The following HDGF variants were observed in gnomAD, a reference collection of about 807,000 sequenced individuals.
HDGF encodes the protein heparin binding growth factor.
HDGF carries 5 observed loss-of-function variants against 30.0 expected under a neutral mutation model. The observed-to-expected ratio is 0.17, with a 90% CI of 0.09 to 0.35. The LOEUF is 0.35. HDGF is among the 10% of genes least tolerant of loss of function. The pLI is 1.00. For synonymous variants in HDGF, 133 were observed against 112.7 expected, an observed-to-expected ratio of 1.18 and a Z score of -1.14; for missense variants, 214 against 302.8, an observed-to-expected ratio of 0.71 and a Z score of 2.18.
chr1:156,754,727 T>A (rs983585902), upstream of HDGF, among the ~76,000 whole-genome samples: 2 of 152,182 alleles, frequency 1.3e-5, no homozygotes, highest in African/African-American at 4.8e-5. Flanking sequence ...GTGGATCACC[T>A]GAGGTCAGGA....
chr1:156,752,100 C>T (rs1372128493), upstream of HDGF: 1 of 1,551,564 alleles, frequency 6.4e-7, no homozygotes, highest in East Asian at 2.4e-5. Flanking sequence ...GCCCTCTGCT[C>T]CATCTCAATC....
upstream of HDGF, among the ~76,000 whole-genome samples, chr1:156,753,976 T>C (rs1651103983): frequency 6.8e-6 from 1 of 146,810 alleles, no homozygotes; most frequent in African/African-American, 2.5e-5. Flanking sequence ...AGTGCAATGG[T>C]GCAATCTCGG....
chr1:156,743,364 C>T lies in HDGF; in HGVS notation c.*85G>A. 7.2e-7 allele frequency: 1 copy of T among 1,393,424 alleles called. No individual in the cohort carries two copies. The highest frequency in any genetic ancestry group is 9.7e-7 in the Non-Finnish European group (1 of 1,028,554). 86.3% of individuals were successfully genotyped at this position (1,393,424 alleles called of 1,614,324 possible). A position where few individuals can be genotyped will look rare whatever the true frequency, so the allele number is the denominator to read the frequency against. On this transcript the variant is annotated 3_prime_UTR_variant, in exon 6 of 6. Coordinates refer to ENST00000357325, the MANE Select transcript of HDGF (RefSeq NM_004494.3). ...CAGGTTGGGGTGGGAAAGGGGTTCCCAGTTTGCAGGCCATGGCCAGTTTCC... is the reference window on the plus strand; with the variant it reads ...CAGGTTGGGGTGGGAAAGGGGTTCCTAGTTTGCAGGCCATGGCCAGTTTCC...
Position 156,743,638 on chromosome 1 carries a change from G to A in HDGF, c.716+14C>T, listed in dbSNP as rs750927858. On this transcript the variant is annotated intron_variant, in intron 5 of 5. Coordinates refer to ENST00000357325, the MANE Select transcript of HDGF (RefSeq NM_004494.3). ...CCCTAGTCCAGCTGCCAAGGGGTCA[G>A]GGGGCTCACTCACCTCTCATGATCT... 1 of 1,598,548 alleles carries A rather than the reference G, an allele frequency of 6.3e-7. No homozygotes were observed. Among genetic ancestry groups the A allele is most frequent in the Non-Finnish European group, 8.6e-7 (1 of 1,165,966 alleles).
At chr1:156,756,898 T>C (rs936731751), upstream of HDGF, among the ~76,000 whole-genome samples, 1 of 151,340 alleles carries the variant, frequency 6.6e-6, no homozygotes, top group African/African-American at 2.4e-5. Flanking sequence ...GTTTAAGTGA[T>C]TCTCCCACCA....
At position 156,743,846 on chromosome 1, in the gene HDGF, G is replaced by A. The variant is rs1478970907; in HGVS notation, c.522C>T (p.Asn174=). The A allele has an allele frequency of 5.6e-6, 9 of 1,613,532 alleles. No individual in the cohort carries two copies. The highest frequency in any genetic ancestry group is 5.9e-6 in the Non-Finnish European group (7 of 1,179,676). Residue 174 remains asparagine (N), a synonymous_variant, in exon 5 of 6, where the codon AAC becomes AAT. Transcript: ENST00000357325. ...CTGCCTCCTTCTCCTCTCCTTCAGG[G>A]TTTTCTGCCTCCTTGGGACGTTTAG... The part of the protein sequence containing the change: ...DSPKRPKEAE[N]PEGEEKEAAT...
At position 156,763,776 on chromosome 1, in the gene HDGF, C is replaced by T. The variant is rs926767421; in HGVS notation, n.136+3014G>A. On this transcript the variant is annotated intron_variant and non_coding_transcript_variant, in intron 1 of 7. Coordinates refer to the HDGF transcript ENST00000465180. ...AACTTTTTTGTATTTTTAGTAGAGA[C>T]GGGGTTTCACCGTGTTGCCCAGGCT... Among the ~76,000 whole-genome samples, 22 of 151,970 alleles carry T rather than the reference C, an allele frequency of 1.4e-4. 1 individual carries two copies. Among genetic ancestry groups the T allele is most frequent in the Admixed American group, 6.6e-5 (1 of 15,262 alleles).
At chr1:156,763,588 CTT>C (rs1263248247) in intron 1 of HDGF, among the ~76,000 whole-genome samples, 22 of 137,160 alleles carry the variant, frequency 1.6e-4, no homozygotes, top group Admixed American at 3.7e-4. Flanking sequence ...TTACAAATTT[CTT>C]TTTTTTTTTT....
At position 156,751,292 on chromosome 1, in the gene HDGF, A is replaced by T; in HGVS notation, c.87+51T>A. ...GAGCGCTCGTGCCCTTCCCGGTGTT[A>T]TGCAACCCAAGCCCGCAGGGGGTTA... On this transcript the variant is annotated intron_variant, in intron 1 of 5. Coordinates refer to ENST00000357325, the MANE Select transcript of HDGF (RefSeq NM_004494.3). This position sits in a 1 kb window ranked among gnomAD's most constrained non-coding sequence, Gnocchi z 4.7. 1 of 1,579,994 alleles carries T rather than the reference A, an allele frequency of 6.3e-7. No homozygotes were observed. Among genetic ancestry groups the T allele is most frequent in the Non-Finnish European group, 8.6e-7 (1 of 1,161,512 alleles).
At chr1:156,744,942 G>C in intron 3 of HDGF, 66 bp downstream of exon 3, 1 of 1,564,664 alleles carries the variant, frequency 6.4e-7, no homozygotes, top group Non-Finnish European at 8.8e-7. Flanking sequence ...TCTGTGGGCC[G>C]GGGGCTGCCA....
chr1:156,753,318 T>G (rs1462467863), upstream of HDGF, among the ~76,000 whole-genome samples: 1 of 152,214 alleles, frequency 6.6e-6, no homozygotes, highest in African/African-American at 2.4e-5. Context: ...AGCCACAAGC[T>G]TGTCAATTTG....
Position 156,745,037 on chromosome 1 carries a change from T to G in HDGF, c.274A>C (p.Asn92His). 1 of 1,614,054 alleles carries G rather than the reference T, an allele frequency of 6.2e-7. No individual in the cohort carries two copies. The highest frequency in any genetic ancestry group is 8.5e-7 in the Non-Finnish European group (1 of 1,180,020). Residue 92 changes from asparagine to histidine, a missense_variant, in exon 3 of 6, where the codon AAC becomes CAC. By Grantham distance (68) the Asn-to-His change is moderately conservative (BLOSUM62 1). Coordinates refer to ENST00000357325, the MANE Select transcript of HDGF (RefSeq NM_004494.3). The stretch of plus-strand genomic sequence containing the variant: ...TAGCCGGAAGCCTTGACAGTAGGGT[T>G]GTTCTCGATCTCCCACAGCCCCTCG... ...FSEGLWEIEN[N>H]PTVKASGYQS...
At position 156,764,568 on chromosome 1, in the gene HDGF, C is replaced by CTAAACTTCTAA. The variant is rs753871900; in HGVS notation, n.136+2221_136+2222insTTAGAAGTTTA. Among the ~76,000 whole-genome samples the CTAAACTTCTAA allele has an allele frequency of 1.8e-3, 276 of 152,304 alleles. 1 individual carries two copies. The highest frequency in any genetic ancestry group is 3.4e-3 in the Non-Finnish European group (228 of 68,022). On this transcript the variant is annotated intron_variant and non_coding_transcript_variant, in intron 1 of 7. Coordinates refer to the HDGF transcript ENST00000465180. Reference sequence around the variant, plus strand: ...AAATAAATCCCCTTTCCTTCACTTTCATGAAGTTTCTATTATCAATTTCTT... The same window carrying CTAAACTTCTAA: ...AAATAAATCCCCTTTCCTTCACTTTCTAAACTTCTAAATGAAGTTTCTATTATCAATTTCTT...
chr1:156,758,558 A>T (rs1651189078), intron 2 of HDGF, among the ~76,000 whole-genome samples: 1 of 148,070 alleles, frequency 6.8e-6, no homozygotes, highest in African/African-American at 2.5e-5. Flanking sequence ...GCGCCACTGC[A>T]CTCCAGCCTG....
chr1:156,744,464 C>T, intron 3 of HDGF, 116 bp from the exon 4 acceptor site: 1 of 1,583,224 alleles, frequency 6.3e-7, no homozygotes, highest in South Asian at 1.1e-5. Context: ...CCCACCCCCA[C>T]CCAGGTGCCC....
rs1483584376 is a variant in HDGF at position 156,749,767 on chromosome 1, T to A, written c.87+1576A>T. Among the ~76,000 whole-genome samples the A allele has an allele frequency of 6.1e-5, 9 of 147,540 alleles. No homozygotes were observed. In the South Asian group the frequency reaches 2.0e-3, roughly 33 times the overall value. On this transcript the variant is annotated intron_variant, in intron 1 of 5. Coordinates refer to ENST00000357325, the MANE Select transcript of HDGF (RefSeq NM_004494.3). ...CTCTCTTACCGGATGCAGAAGGGGT[T>A]CCCTGCAACCCACATTCCAGCTAAC... is the stretch of plus-strand genomic sequence containing the variant.
chr1:156,765,468 C>CT (rs35238313), intron 1 of HDGF, among the ~76,000 whole-genome samples: 2 of 86,368 alleles, frequency 2.3e-5, no homozygotes, highest in African/African-American at 7.4e-5. Context: ...TTCTTTCTTT[C>CT]TTTCTTTTTT....
chr1:156,765,836 C>A (rs1038440007), intron 1 of HDGF, among the ~76,000 whole-genome samples: 1 of 152,120 alleles, frequency 6.6e-6, no homozygotes, highest in Non-Finnish European at 1.5e-5. Context: ...CGCACAGTCA[C>A]CAGAGAGTAC....
intron 1 of HDGF, 50 bp from the exon 2 acceptor site, chr1:156,745,423 C>T (rs754651202): frequency 2.6e-6 from 4 of 1,527,736 alleles, no homozygotes; most frequent in East Asian, 4.6e-5. Context: ...AGGTTTTGAG[C>T]CTGAGGCAGG....
Sources: allele counts gnomAD v4.1 joint callset (sites outside exome capture counted in the v4.1 genomes callset), GRCh38; gene constraint gnomAD v4.1.1; non-coding constraint Gnocchi (gnomAD v3.1); transcripts MANE v1.5; gene names NCBI Gene and HGNC (gene_info 2026-07-23, HGNC 2026-07-21).